Variants in RPGRIP1 observed in about 807,000 individuals in gnomAD.
RPGRIP1 encodes RPGR interacting protein 1, also known as X-linked retinitis pigmentosa GTPase regulator-interacting protein 1.
Under a neutral mutation model 157.9 loss-of-function variants are expected in RPGRIP1, and 128 were observed. The observed-to-expected ratio is 0.81, with a 90% CI of 0.70 to 0.94. The LOEUF is 0.94. Ranked by LOEUF, RPGRIP1 falls within the 40% of genes least tolerant of loss-of-function variation. The pLI is 0.00. For missense variants in RPGRIP1, 1,486 were observed against 1,545.8 expected (o/e 0.96, Z 0.65); for synonymous variants, 554 against 571.6 (o/e 0.97, Z 0.44).
At chr14:21,315,515 A>C (rs1319373663) in intron 10 of RPGRIP1, among the ~76,000 whole-genome samples, 3 of 129,454 alleles carry the variant, frequency 2.3e-5, no homozygotes, top group Non-Finnish European at 1.6e-5. Flanking sequence ...TCAAAAAAAA[A>C]AAAAACAAAA....
At chr14:21,298,653 C>G (rs1177568876) in intron 3 of RPGRIP1, among the ~76,000 whole-genome samples, 1 of 147,916 alleles carries the variant, frequency 6.8e-6, no homozygotes, top group Non-Finnish European at 1.5e-5. Flanking sequence ...TTAGAATCTG[C>G]AGGATTGGCC....
At position 21,325,221 on chromosome 14, in the gene RPGRIP1, C is replaced by G. The variant is rs373502907; in HGVS notation, c.2216-11C>G. ...TGTATTCCCCCTGCTTTCACACTTT[C>G]TGCTACCCAGGAGCTGGTGGAGAAG... On this transcript the variant is annotated splice_polypyrimidine_tract_variant and intron_variant, in intron 15 of 24. Transcript: ENST00000400017. 8.7e-5 allele frequency: 139 copies of G among 1,594,296 alleles called. No individual in the cohort carries two copies. Among genetic ancestry groups the G allele is most frequent in the Non-Finnish European group, 1.1e-4 (132 of 1,171,714 alleles).
At chr14:21,290,133 AG>A (rs1406919221) in intron 2 of RPGRIP1, among the ~76,000 whole-genome samples, 1 of 152,126 alleles carries the variant, frequency 6.6e-6, no homozygotes, top group Non-Finnish European at 1.5e-5. Flanking sequence ...CTGGGATTAC[AG>A]GCAGAAGCCA....
intron 21 of RPGRIP1, among the ~76,000 whole-genome samples, chr14:21,340,783 G>A (rs1436613119): frequency 6.6e-6 from 1 of 151,626 alleles, no homozygotes; most frequent in African/African-American, 2.4e-5. Context: ...TCTTATAAAA[G>A]AACAAGTTTC....
intron 9 of RPGRIP1, 81 bp from the exon 10 acceptor site, chr14:21,312,352 C>A: frequency 1.1e-6 from 1 of 914,428 alleles, no homozygotes; most frequent in Non-Finnish European, 1.7e-6. Context: ...CACCCACGCC[C>A]CTCCCTGCCA....
chr14:21,311,675 A>C (rs1371107032), intron 8 of RPGRIP1, 149 bp from the exon 9 acceptor site: 1 of 507,914 alleles, frequency 2.0e-6, no homozygotes, highest in Non-Finnish European at 3.3e-6. Context: ...GGTGAAAAAC[A>C]AGGTTAACGA....
At chr14:21,298,471 G>C (rs1039681416) in intron 3 of RPGRIP1, among the ~76,000 whole-genome samples, 1 of 152,040 alleles carries the variant, frequency 6.6e-6, no homozygotes, top group Non-Finnish European at 1.5e-5. Context: ...CTGCACTCCA[G>C]GCTGAGTGAC....
At chr14:21,280,983 A>G (rs1330291483) in intron 1 of RPGRIP1, among the ~76,000 whole-genome samples, 1 of 151,816 alleles carries the variant, frequency 6.6e-6, no homozygotes, top group Non-Finnish European at 1.5e-5. Flanking sequence ...TTTGAAATAT[A>G]TATATAGAGA....
At chr14:21,292,426 T>C (rs2139140106) in intron 2 of RPGRIP1, among the ~76,000 whole-genome samples, 1 of 152,316 alleles carries the variant, frequency 6.6e-6, no homozygotes, top group East Asian at 1.9e-4. Context: ...TTTTATAGCA[T>C]ATATTCAAAA....
At chr14:21,289,757 C>T (rs1344416027) in intron 2 of RPGRIP1, among the ~76,000 whole-genome samples, 5 of 152,004 alleles carry the variant, frequency 3.3e-5, no homozygotes, top group African/African-American at 1.2e-4. Context: ...AATCCCAGCA[C>T]CTTGGGAGGC....
chr14:21,339,331 G>T (rs1158711997), intron 21 of RPGRIP1, among the ~76,000 whole-genome samples: 1 of 151,588 alleles, frequency 6.6e-6, no homozygotes, highest in Non-Finnish European at 1.5e-5. Flanking sequence ...TTGTAATCCT[G>T]GCTACTCGAA....
chr14:21,321,426 A>C, intron 13 of RPGRIP1, 24 bp downstream of exon 13: 1 of 1,600,812 alleles, frequency 6.2e-7, no homozygotes, highest in Non-Finnish European at 8.5e-7. Flanking sequence ...TGGTACAGGA[A>C]GGGGATGGAT....
rs1218981990 is a variant in RPGRIP1, at chr14:21,324,870, C to T, written c.2015C>T (p.Pro672Leu). The change falls in exon 15 of 25, where the codon CCA becomes CTA. Residue 672 changes from proline to leucine, a missense_variant. By Grantham distance (98) the Pro-to-Leu change is moderately conservative (BLOSUM62 -3). Coordinates refer to ENST00000400017, the MANE Select transcript of RPGRIP1 (RefSeq NM_020366.4). The stretch of plus-strand genomic sequence containing the variant: ...CACTGTACCCCATTATCTGTGGGGC[C>T]ACAGCCCCTCTATGACTTCACCTCC... Reference protein sequence around the residue: ...ETHCTPLSVGPQPLYDFTSQY... With the variant: ...ETHCTPLSVGLQPLYDFTSQY... 2 of 1,613,682 alleles carry T rather than the reference C, an allele frequency of 1.2e-6. No individual in the cohort carries two copies. The highest frequency in any genetic ancestry group is 1.7e-6 in the Non-Finnish European group (2 of 1,179,692).
chr14:21,337,384 G>A (rs563806311), intron 21 of RPGRIP1, among the ~76,000 whole-genome samples: 2 of 151,076 alleles, frequency 1.3e-5, no homozygotes, highest in African/African-American at 4.9e-5. Flanking sequence ...GAGGATGAGT[G>A]TGATGATAAT....
intron 4 of RPGRIP1, among the ~76,000 whole-genome samples, chr14:21,301,512 A>C (rs1881026731): frequency 6.6e-6 from 1 of 151,922 alleles, no homozygotes; most frequent in African/African-American, 2.4e-5. Context: ...CCCCGTCTCT[A>C]ATAAAAATAC....
Position 21,330,290 on chromosome 14 carries a change from C to T in RPGRIP1, c.3141C>T (p.Ser1047=), listed in dbSNP as rs773721877. 4 of 1,580,878 alleles carry T rather than the reference C, an allele frequency of 2.5e-6. No individual in the cohort carries two copies. The African/African-American group carries it at 4.1e-5, about 16-fold the overall frequency. ...AGTGGAAGTTCTCAGAGACTAACAG[C>T]TTCATAGGTGATGGCTTTAAAAATC... The part of the protein sequence containing the change: ...YTEWKFSETN[S]FIGDGFKNQH... Residue 1047 remains serine (S), a synonymous_variant, in exon 20 of 25, where the codon AGC becomes AGT. Transcript: ENST00000400017.
intron 6 of RPGRIP1, among the ~76,000 whole-genome samples, chr14:21,306,973 A>C (rs1881341443): frequency 6.6e-6 from 1 of 151,450 alleles, no homozygotes. Context: ...ATGGGGTCTC[A>C]CTATGTTGGC....
At chr14:21,348,461 T>C (rs1476385117) in intron 24 of RPGRIP1, among the ~76,000 whole-genome samples, 159 bp downstream of exon 24, 1 of 152,214 alleles carries the variant, frequency 6.6e-6, no homozygotes, top group East Asian at 1.9e-4. Flanking sequence ...GGATCCAACA[T>C]TAAAGTAGTC....
intron 22 of RPGRIP1, among the ~76,000 whole-genome samples, chr14:21,343,613 C>T (rs1019268979): frequency 1.3e-5 from 2 of 152,112 alleles, no homozygotes; most frequent in Admixed American, 6.6e-5. Context: ...GACTCAGCCT[C>T]CCAAGTAGCT....
Sources: gnomAD v4.1 joint callset for allele counts (sites outside exome capture counted in the v4.1 genomes callset) on GRCh38, gnomAD v4.1.1 for gene constraint, MANE v1.5 for transcripts, NCBI Gene and HGNC (gene_info 2026-07-23, HGNC 2026-07-21) for gene names.